Variants in LSAMP observed in about 807,000 individuals in gnomAD.
The protein encoded by LSAMP is limbic system associated membrane protein.
LSAMP carries 7 observed loss-of-function variants against 38.6 expected under a neutral mutation model. That is an observed-to-expected ratio of 0.18 (90% CI 0.10 to 0.34). The LOEUF (loss-of-function observed/expected upper bound fraction) is 0.34. Among genes scored for constraint, LSAMP ranks in the 10% least tolerant of loss-of-function variants. The pLI is 1.00. For missense variants in LSAMP, 313 were observed against 420.0 expected (o/e 0.75, Z 2.23); for synonymous variants, 154 against 166.8 (o/e 0.92, Z 0.59).
intron 3 of LSAMP, among the ~76,000 whole-genome samples, chr3:115,879,371 C>T (rs1936265317): frequency 6.6e-6 from 1 of 151,942 alleles, no homozygotes; most frequent in South Asian, 2.1e-4. Flanking sequence ...AAACTTTATA[C>T]TAGTAAAGAA....
At position 116,110,479 on chromosome 3, in the gene LSAMP, C is replaced by A. The variant is rs188739540; in HGVS notation, c.156-23923G>T. Among the ~76,000 whole-genome samples the A allele has an allele frequency of 1.9e-3, 295 of 152,254 alleles. 1 individual carries two copies. The highest frequency in any genetic ancestry group is 6.8e-3 in the African/African-American group (282 of 41,542). ...GGCTGCCTTCCCAGTCTGTGACCGG[C>A]GCCGGAGTTTTGGGTCCACGGATAA... is the stretch of plus-strand genomic sequence containing the variant. On this transcript the variant is annotated intron_variant, in intron 1 of 6. Transcript: ENST00000490035.
At position 115,936,696 on chromosome 3, in the gene LSAMP, A is replaced by G. The variant is rs576332961; in HGVS notation, c.514+82819T>C. 2.0e-5 allele frequency among the ~76,000 whole-genome samples: 3 copies of G among 152,300 alleles called. No individual in the cohort carries two copies. The South Asian group carries it at 6.2e-4, about 32-fold the overall frequency. On this transcript the variant is annotated intron_variant, in intron 3 of 6. Transcript: ENST00000490035. ...GAATTTTTAAGTCAAGGAAGAAGTC[A>G]TGTCCAAAGTTCATTTTTTCAACTC...
chr3:116,194,346 T>C (rs1425082670), intron 1 of LSAMP, among the ~76,000 whole-genome samples: 1 of 152,124 alleles, frequency 6.6e-6, no homozygotes, highest in South Asian at 2.1e-4. Context: ...TCCCAAAGAA[T>C]CAAACTGCAG....
intron 1 of LSAMP, among the ~76,000 whole-genome samples, chr3:116,135,369 T>C (rs1220920624): frequency 6.6e-6 from 1 of 152,212 alleles, no homozygotes; most frequent in African/African-American, 2.4e-5. Context: ...AACTGTGCTG[T>C]GATGTAGATA....
At chr3:115,845,065 G>A (rs1049488928) in intron 4 of LSAMP, among the ~76,000 whole-genome samples, 2 of 152,188 alleles carry the variant, frequency 1.3e-5, no homozygotes, top group African/African-American at 4.8e-5. Context: ...GACTAGAAAT[G>A]GATTTCATAA....
intron 3 of LSAMP, among the ~76,000 whole-genome samples, chr3:115,945,683 G>A (rs1056278260): frequency 3.8e-4 from 57 of 151,984 alleles, no homozygotes; most frequent in African/African-American, 1.4e-3. Context: ...CCCTTCTAAT[G>A]TGACTGGAAA....
chr3:116,354,997 T>C (rs1197614206), intron 1 of LSAMP, among the ~76,000 whole-genome samples: 2 of 152,098 alleles, frequency 1.3e-5, no homozygotes, highest in Non-Finnish European at 2.9e-5. Flanking sequence ...TGTTTGTTTA[T>C]TACATAATAA....
intron 1 of LSAMP, among the ~76,000 whole-genome samples, chr3:116,425,440 G>T (rs1422604968): frequency 6.6e-6 from 1 of 152,198 alleles, no homozygotes; most frequent in Non-Finnish European, 1.5e-5. Flanking sequence ...GAAGATAAGG[G>T]TTAGTGGAAA....
intron 1 of LSAMP, among the ~76,000 whole-genome samples, chr3:116,294,176 A>G (rs549473913): frequency 6.6e-6 from 1 of 152,176 alleles, no homozygotes; most frequent in Non-Finnish European, 1.5e-5. Context: ...TAGCTGGGGT[A>G]CAACTACTTG....
chr3:116,338,018 T>C (rs1311736369), intron 1 of LSAMP, among the ~76,000 whole-genome samples: 1 of 152,068 alleles, frequency 6.6e-6, no homozygotes, highest in East Asian at 1.9e-4. Context: ...TGTTACCTGT[T>C]TGCTTCTTTT....
intron 1 of LSAMP, among the ~76,000 whole-genome samples, chr3:116,089,364 T>A (rs1201298105): frequency 1.3e-5 from 2 of 152,200 alleles, no homozygotes; most frequent in African/African-American, 4.8e-5. Context: ...TTTTTTGTTT[T>A]GTTTTGTTTT....
chr3:116,350,344 A>T (rs1263340516), intron 1 of LSAMP, among the ~76,000 whole-genome samples: 1 of 152,082 alleles, frequency 6.6e-6, no homozygotes, highest in Non-Finnish European at 1.5e-5. Context: ...TGTACCCCAT[A>T]TGACTGTCCT....
At chr3:115,936,660 G>A (rs1481674801) in intron 3 of LSAMP, among the ~76,000 whole-genome samples, 1 of 152,112 alleles carries the variant, frequency 6.6e-6, no homozygotes, top group African/African-American at 2.4e-5. Context: ...TAGCCTTTGG[G>A]AACCTGGAGG....
At chr3:116,209,855 C>T (rs964810030) in intron 1 of LSAMP, among the ~76,000 whole-genome samples, 14 of 152,210 alleles carry the variant, frequency 9.2e-5, no homozygotes, top group Admixed American at 6.5e-4. Flanking sequence ...GGGTTGACGC[C>T]GTTCTCCTGC....
intron 1 of LSAMP, among the ~76,000 whole-genome samples, chr3:116,366,391 A>G (rs2048353715): frequency 6.6e-6 from 1 of 152,188 alleles, no homozygotes; most frequent in African/African-American, 2.4e-5. Context: ...TTTCATGAAA[A>G]TGAAGGCCAA....
At chr3:115,816,137 C>A (rs1348386263) in intron 6 of LSAMP, among the ~76,000 whole-genome samples, 1 of 152,118 alleles carries the variant, frequency 6.6e-6, no homozygotes, top group Non-Finnish European at 1.5e-5. Flanking sequence ...TGGGGTTAGA[C>A]ACTGTTAGGG....
At chr3:115,846,411 T>G (rs1453225771) in intron 4 of LSAMP, among the ~76,000 whole-genome samples, 1 of 152,218 alleles carries the variant, frequency 6.6e-6, no homozygotes, top group Non-Finnish European at 1.5e-5. Flanking sequence ...AAAATATCAT[T>G]CATTTAATCT....
intron 1 of LSAMP, among the ~76,000 whole-genome samples, chr3:116,428,179 A>G (rs990039173): frequency 1.3e-5 from 2 of 152,106 alleles, no homozygotes; most frequent in Non-Finnish European, 2.9e-5. Context: ...CCTGGTCTAG[A>G]ATTGTCTGCA....
intron 1 of LSAMP, among the ~76,000 whole-genome samples, chr3:116,418,454 A>G (rs2049079032): frequency 1.3e-5 from 2 of 151,994 alleles, no homozygotes; most frequent in Admixed American, 1.3e-4. Flanking sequence ...CCAGCTACAA[A>G]TTCTTGTTGA....
Sources: gnomAD v4.1 joint callset for allele counts (sites outside exome capture counted in the v4.1 genomes callset) on GRCh38, gnomAD v4.1.1 for gene constraint, MANE v1.5 for transcripts, NCBI Gene and HGNC (gene_info 2026-07-23, HGNC 2026-07-21) for gene names.